The following MBNL1 variants were observed in gnomAD, a reference collection of about 807,000 sequenced individuals.
The protein encoded by MBNL1 is muscleblind like splicing regulator 1, also known as muscleblind-like protein 1.
Under a neutral mutation model 42.2 loss-of-function variants are expected in MBNL1, and 8 were observed. The observed-to-expected ratio is 0.19, with a 90% CI of 0.11 to 0.34. MBNL1 has a LOEUF of 0.34. MBNL1 is among the 10% of genes least tolerant of loss of function. The pLI, the probability that MBNL1 is intolerant of heterozygous loss-of-function variation, is 1.00. For synonymous variants in MBNL1, 169 were observed against 173.9 expected, an observed-to-expected ratio of 0.97 and a Z score of 0.22; for missense variants, 309 against 495.3, an observed-to-expected ratio of 0.62 and a Z score of 3.57.
intron 6 of MBNL1, among the ~76,000 whole-genome samples, chr3:152,449,004 C>T (rs1716143683): frequency 6.6e-6 from 1 of 152,116 alleles, no homozygotes; most frequent in African/African-American, 2.4e-5. Context: ...GACCTGCAGC[C>T]TCACATTTCT....
chr3:152,457,892 C>A (rs1736961728), intron 8 of MBNL1: 2 of 465,180 alleles, frequency 4.3e-6, no homozygotes, highest in African/African-American at 3.9e-5. Context: ...GTGACCATTT[C>A]ATGCATAATC....
chr3:152,299,099 C>T (rs756812061), intron 1 of MBNL1: 1 of 152,600 alleles, frequency 6.6e-6, no homozygotes. Flanking sequence ...ACAGGCGCGA[C>T]CTTTCATAAG....
At chr3:152,453,178 C>G (rs1209911914) in intron 6 of MBNL1, among the ~76,000 whole-genome samples, 1 of 152,076 alleles carries the variant, frequency 6.6e-6, no homozygotes, top group Non-Finnish European at 1.5e-5. Flanking sequence ...CAGCCTAATA[C>G]TTCTTATAAT....
intron 1 of MBNL1, among the ~76,000 whole-genome samples, chr3:152,285,250 A>G (rs1366321642): frequency 6.6e-6 from 1 of 152,194 alleles, no homozygotes; most frequent in African/African-American, 2.4e-5. Context: ...TGTTGTATAT[A>G]TTAGTAGTCA....
intron 2 of MBNL1, among the ~76,000 whole-genome samples, chr3:152,362,315 G>A (rs1578688767): frequency 6.6e-6 from 1 of 152,304 alleles, no homozygotes; most frequent in Non-Finnish European, 1.5e-5. Flanking sequence ...AGGCTGCAGG[G>A]ATCTTGTCAG....
intron 3 of MBNL1, among the ~76,000 whole-genome samples, chr3:152,428,124 A>G (rs1560554875): frequency 6.6e-6 from 1 of 151,950 alleles, no homozygotes; most frequent in Non-Finnish European, 1.5e-5. Flanking sequence ...TTGAATTTTG[A>G]GGTAAAGAAA....
intron 3 of MBNL1, among the ~76,000 whole-genome samples, chr3:152,416,768 C>A (rs2098709071): frequency 1.3e-5 from 2 of 152,170 alleles, no homozygotes; most frequent in African/African-American, 4.8e-5. Flanking sequence ...TGTGTGCAAT[C>A]CTGGGACAAA....
chr3:152,420,874 A>T (rs1017800314), intron 3 of MBNL1, among the ~76,000 whole-genome samples: 1 of 152,206 alleles, frequency 6.6e-6, no homozygotes, highest in Non-Finnish European at 1.5e-5. Flanking sequence ...AACCTTGATA[A>T]AAGATTACAG....
chr3:152,304,205 A>G (rs1470039567), intron 2 of MBNL1, among the ~76,000 whole-genome samples: 6 of 152,196 alleles, frequency 3.9e-5, no homozygotes, highest in Non-Finnish European at 5.9e-5. Flanking sequence ...AAGGCAAACA[A>G]GTATCCAGAT....
At chr3:152,273,939 C>A (rs575502502) in intron 1 of MBNL1, among the ~76,000 whole-genome samples, 1 of 152,222 alleles carries the variant, frequency 6.6e-6, no homozygotes, top group African/African-American at 2.4e-5. Flanking sequence ...AAGACAATGC[C>A]AATTTATTCA....
intron 2 of MBNL1, among the ~76,000 whole-genome samples, chr3:152,311,962 G>A (rs1339101227): frequency 1.3e-5 from 2 of 151,646 alleles, no homozygotes; most frequent in East Asian, 3.9e-4. Flanking sequence ...AGGCCGAGGC[G>A]GGCGGATCAC....
intron 2 of MBNL1, among the ~76,000 whole-genome samples, chr3:152,245,433 C>T (rs927654278): frequency 4.6e-5 from 7 of 152,064 alleles, no homozygotes; most frequent in Admixed American, 4.6e-4. Context: ...AAGAGTTTGC[C>T]TCTGAGCATT....
chr3:152,330,145 T>C (rs2152572570), intron 2 of MBNL1, among the ~76,000 whole-genome samples: 1 of 152,292 alleles, frequency 6.6e-6, no homozygotes, highest in East Asian at 1.9e-4. Context: ...ACTCTGAGTG[T>C]TCTTAGGTAT....
intron 2 of MBNL1, among the ~76,000 whole-genome samples, chr3:152,357,097 T>C (rs2095582190): frequency 1.3e-5 from 2 of 152,154 alleles, no homozygotes; most frequent in African/African-American, 2.4e-5. Context: ...TCCTGAATTA[T>C]AAAACATGCC....
At chr3:152,275,860 A>G (rs2044798757) in intron 1 of MBNL1, among the ~76,000 whole-genome samples, 1 of 151,956 alleles carries the variant, frequency 6.6e-6, no homozygotes, top group Non-Finnish European at 1.5e-5. Context: ...TTATTTTAAT[A>G]TACTTATTTT....
In MBNL1 at chr3:152,380,727, T is replaced by G. The variant is rs1483157525; in HGVS notation, c.175-34214T>G. On this transcript the variant is annotated intron_variant, in intron 2 of 9. Coordinates refer to ENST00000324210, the MANE Select transcript of MBNL1 (RefSeq NM_021038.5). ...AACTTTAAACATTTCCTATATTGAG[T>G]TTTTTTTTTAAAAAAGGCACTTCTG... is the stretch of plus-strand genomic sequence containing the variant. Among the ~76,000 whole-genome samples, 6 of 149,138 alleles carry G rather than the reference T, an allele frequency of 4.0e-5. No homozygotes were observed. In the South Asian group the frequency reaches 1.3e-3, roughly 31 times the overall value.
At chr3:152,398,021 T>C (rs2098054492) in intron 2 of MBNL1, among the ~76,000 whole-genome samples, 1 of 152,192 alleles carries the variant, frequency 6.6e-6, no homozygotes, top group Admixed American at 6.5e-5. Flanking sequence ...AATTTATTTT[T>C]AAAAAATCAG....
At chr3:152,288,723 C>A (rs2054095892) in intron 1 of MBNL1, among the ~76,000 whole-genome samples, 2 of 151,906 alleles carry the variant, frequency 1.3e-5, no homozygotes. Flanking sequence ...ATTTTGATAC[C>A]CTGTCAACCC....
At chr3:152,351,256 A>G (rs1181195464) in intron 2 of MBNL1, among the ~76,000 whole-genome samples, 1 of 152,202 alleles carries the variant, frequency 6.6e-6, no homozygotes, top group African/African-American at 2.4e-5. Flanking sequence ...AATAGTTGTT[A>G]AATGCCATGG....
Sources: gnomAD v4.1 joint callset for allele counts (sites outside exome capture counted in the v4.1 genomes callset) on GRCh38, gnomAD v4.1.1 for gene constraint, MANE v1.5 for transcripts, NCBI Gene and HGNC (gene_info 2026-07-23, HGNC 2026-07-21) for gene names.